RAPGEF2: variants seen among roughly 807,000 people sequenced by gnomAD.
RAPGEF2 encodes the protein PDZ domain containing guanine nucleotide exchange factor (GEF) 1.
Under a neutral mutation model 186.7 loss-of-function variants are expected in RAPGEF2, and 54 were observed. That is an observed-to-expected ratio of 0.29 (90% CI 0.23 to 0.36). The LOEUF is 0.36. Among genes scored for constraint, RAPGEF2 ranks in the 10% least tolerant of loss-of-function variants. The pLI is 1.00. For synonymous variants in RAPGEF2, 712 were observed against 705.9 expected (o/e 1.01, Z -0.14); for missense variants, 1,532 against 2,045.0 (o/e 0.75, Z 4.84).
chr4:159,307,772 G>C (rs1690142200), intron 8 of RAPGEF2, among the ~76,000 whole-genome samples: 1 of 152,180 alleles, frequency 6.6e-6, no homozygotes, highest in South Asian at 2.1e-4. Context: ...AGGAATCTAA[G>C]ACCAGCCTGG....
chr4:159,195,751 A>G lies in RAPGEF2; in HGVS notation c.197+2495A>G, dbSNP rs367986170. 3.3e-5 allele frequency among the ~76,000 whole-genome samples: 5 copies of G among 152,138 alleles called. No individual in the cohort carries two copies. In the East Asian group the frequency reaches 9.6e-4, roughly 29 times the overall value. On this transcript the variant is annotated intron_variant, in intron 3 of 29. Transcript: ENST00000691494. ...AAACACACACTCTCTCCCTGCCCCA[A>G]CCTGTTCTCCTAAAGTGGCAACTGA...
chr4:159,149,008 A>G (rs1743239830), intron 1 of RAPGEF2, among the ~76,000 whole-genome samples: 1 of 152,160 alleles, frequency 6.6e-6, no homozygotes. Context: ...TTGATTTTCT[A>G]ATCTGCATCT....
At chr4:159,146,768 C>T (rs1399490041) in intron 1 of RAPGEF2, among the ~76,000 whole-genome samples, 1 of 152,154 alleles carries the variant, frequency 6.6e-6, no homozygotes, top group African/African-American at 2.4e-5. Flanking sequence ...TTTCTTCCCT[C>T]CCAGCTTTTC....
rs934296461 is a variant in RAPGEF2 at position 159,359,492 on chromosome 4, T to G, written c.*1353T>G. The stretch of plus-strand genomic sequence containing the variant: ...ATGACCCCTCCACTCTATTTTTGTG[T>G]TGTTTTGCACAGACTCCGGAAAAGT... On this transcript the variant is annotated 3_prime_UTR_variant, in exon 30 of 30. Transcript: ENST00000691494. 4 of 152,200 alleles carry G rather than the reference T, an allele frequency of 2.6e-5. No homozygotes were observed. Among genetic ancestry groups the G allele is most frequent in the Non-Finnish European group, 5.9e-5 (4 of 68,034 alleles). 9.4% of individuals were successfully genotyped at this position (152,200 alleles called of 1,614,324 possible). A position where few individuals can be genotyped will look rare whatever the true frequency, so the allele number is the denominator to read the frequency against.
intron 1 of RAPGEF2, among the ~76,000 whole-genome samples, chr4:159,165,778 G>A (rs1416492701): frequency 6.6e-6 from 1 of 151,972 alleles, no homozygotes; most frequent in African/African-American, 2.4e-5. Flanking sequence ...GTTTTTGTAG[G>A]GTTGGGGTCT....
chr4:159,255,731 C>G (rs538824936), intron 7 of RAPGEF2, among the ~76,000 whole-genome samples: 5 of 152,054 alleles, frequency 3.3e-5, no homozygotes, highest in Non-Finnish European at 5.9e-5. Flanking sequence ...TTCTTCCATA[C>G]TGTGTTTTTA....
intron 7 of RAPGEF2, among the ~76,000 whole-genome samples, chr4:159,253,846 T>G (rs1217568393): frequency 6.6e-6 from 1 of 151,974 alleles, no homozygotes; most frequent in Non-Finnish European, 1.5e-5. Flanking sequence ...TGGGCGCCTG[T>G]AGTCCCAGCT....
intron 4 of RAPGEF2, among the ~76,000 whole-genome samples, chr4:159,214,028 A>G (rs1230191261): frequency 1.3e-5 from 2 of 152,238 alleles, no homozygotes. Context: ...GCAAGGTACA[A>G]TTTATAGTTA....
chr4:159,321,577 C>T (rs1181131181), intron 9 of RAPGEF2, among the ~76,000 whole-genome samples: 1 of 152,024 alleles, frequency 6.6e-6, no homozygotes, highest in African/African-American at 2.4e-5. Flanking sequence ...AAAAAGAAAA[C>T]GCACTTCACA....
intron 1 of RAPGEF2, among the ~76,000 whole-genome samples, chr4:159,169,287 TCTG>T (rs1358729898): frequency 6.6e-6 from 1 of 152,216 alleles, no homozygotes; most frequent in Non-Finnish European, 1.5e-5. Flanking sequence ...CACGTCAAAT[TCTG>T]CTGTTCTCTT....
At chr4:159,175,107 T>C (rs935495089) in intron 1 of RAPGEF2, among the ~76,000 whole-genome samples, 2 of 152,162 alleles carry the variant, frequency 1.3e-5, no homozygotes, top group African/African-American at 4.8e-5. Context: ...TGAAGAAATA[T>C]ACGAGGGCCT....
chr4:159,355,915 A>G lies in RAPGEF2; in HGVS notation c.4714A>G (p.Ile1572Val). Residue 1572 changes from isoleucine to valine, a missense_variant, in exon 29 of 30, where the codon ATT becomes GTT. This residue lies in a region of RAPGEF2 where 594 missense variants were observed against 608.5 expected (regional missense o/e 0.98). Coordinates refer to ENST00000691494, the MANE Select transcript of RAPGEF2 (RefSeq NM_001394067.2). ...CCCTCCCGGCTACATTGGAATTCCC[A>G]TTACTGACTTTCCAGAAGGGCACTC... ...PTPPGYIGIP[I>V]TDFPEGHSHP... 3 of 1,089,818 alleles carry G rather than the reference A, an allele frequency of 2.8e-6. No individual in the cohort carries two copies. The highest frequency in any genetic ancestry group is 3.7e-6 in the Non-Finnish European group (3 of 821,604). The allele number at this position is 1,089,818 out of a possible 1,614,324, so 67.5% of individuals were successfully genotyped here. A position where few individuals can be genotyped will look rare whatever the true frequency, so the allele number is the denominator to read the frequency against.
intron 1 of RAPGEF2, among the ~76,000 whole-genome samples, chr4:159,122,770 C>CA (rs1336557871): frequency 6.6e-6 from 1 of 152,088 alleles, no homozygotes; most frequent in African/African-American, 2.4e-5. Flanking sequence ...CTTTTTAGTG[C>CA]AATACTGTAA....
At chr4:159,111,166 T>G (rs7659385) in intron 1 of RAPGEF2, among the ~76,000 whole-genome samples, 151,797 of 152,316 alleles carry the variant, frequency 1, 75,648 homozygotes, top group Middle Eastern at 1. Context: ...TGGTGGTGGG[T>G]TTATTGGTTT....
Position 159,125,222 on chromosome 4 carries a change from A to G in RAPGEF2, c.69+20991A>G, listed in dbSNP as rs116634806. The stretch of plus-strand genomic sequence containing the variant: ...ATAAATCTGCACAATCAATGAATCA[A>G]TGAATCGATTTAGTTTACAATCAAG... On this transcript the variant is annotated intron_variant, in intron 1 of 29. Coordinates refer to ENST00000691494, the MANE Select transcript of RAPGEF2 (RefSeq NM_001394067.2). 8.4e-3 allele frequency among the ~76,000 whole-genome samples: 1,285 copies of G among 152,304 alleles called. 23 individuals are homozygous for G. Among genetic ancestry groups the G allele is most frequent in the African/African-American group, 0.029 (1,221 of 41,536 alleles).
At chr4:159,351,069 C>T (rs1308165717) in intron 26 of RAPGEF2, 2 of 1,532,966 alleles carry the variant, frequency 1.3e-6, no homozygotes. Flanking sequence ...GTGGCAGTGG[C>T]AATCAGCTGA....
At chr4:159,237,772 G>A (rs1360858069) in intron 4 of RAPGEF2, among the ~76,000 whole-genome samples, 2 of 148,102 alleles carry the variant, frequency 1.4e-5, no homozygotes, top group African/African-American at 2.5e-5. Flanking sequence ...GCAGAGGAGG[G>A]AAGATTGATT....
intron 7 of RAPGEF2, among the ~76,000 whole-genome samples, chr4:159,297,760 G>A (rs1762198187): frequency 6.6e-6 from 1 of 152,182 alleles, no homozygotes; most frequent in East Asian, 1.9e-4. Context: ...CTGGCCTAAG[G>A]TGGTGGAGGA....
chr4:159,153,142 C>G (rs1002280299), intron 1 of RAPGEF2, among the ~76,000 whole-genome samples: 3 of 152,162 alleles, frequency 2.0e-5, no homozygotes, highest in African/African-American at 7.2e-5. Context: ...GTAGCCTTCA[C>G]TAGCATGAAA....
Sources: gnomAD v4.1 joint callset for allele counts (sites outside exome capture counted in the v4.1 genomes callset) on GRCh38, gnomAD v4.1.1 for gene constraint, gnomAD v4.1.1 regional missense constraint, MANE v1.5 for transcripts, NCBI Gene and HGNC (gene_info 2026-07-23, HGNC 2026-07-21) for gene names.